HAVCR2: variants seen among roughly 807,000 people sequenced by gnomAD.
HAVCR2 encodes hepatitis A virus cellular receptor 2.
A neutral mutation model predicts 24.7 loss-of-function variants in HAVCR2; 13 were observed. That is an observed-to-expected ratio of 0.53 (90% confidence interval 0.34 to 0.84). The LOEUF (loss-of-function observed/expected upper bound fraction) is 0.84. HAVCR2 is among the 40% of genes least tolerant of loss of function. The pLI is 0.01. For missense variants in HAVCR2, 343 were observed against 371.2 expected (o/e 0.92, Z 0.62); for synonymous variants, 154 against 143.4 (o/e 1.07, Z -0.53).
At position 157,086,970 on chromosome 5, in the gene HAVCR2, A is replaced by G. The variant is rs1297765122; in HGVS notation, c.*132T>C. 1.4e-6 allele frequency: 1 copy of G among 720,416 alleles called. No homozygotes were observed. The allele number at this position is 720,416 out of a possible 1,614,324, so 44.6% of individuals were successfully genotyped here. A position where few individuals can be genotyped will look rare whatever the true frequency, so the allele number is the denominator to read the frequency against. On this transcript the variant is annotated 3_prime_UTR_variant, in exon 7 of 7. Coordinates refer to ENST00000307851, the MANE Select transcript of HAVCR2 (RefSeq NM_032782.5). Reference sequence around the variant, plus strand: ...CAGGTCCCAGTTCAATTCCCATGTGAGTCATTATCTTCTGAAAATGGGAAA... The same window carrying G: ...CAGGTCCCAGTTCAATTCCCATGTGGGTCATTATCTTCTGAAAATGGGAAA...
chr5:157,093,665 G>C (rs994159125), intron 5 of HAVCR2, among the ~76,000 whole-genome samples: 3 of 152,134 alleles, frequency 2.0e-5, no homozygotes, highest in African/African-American at 7.2e-5. Flanking sequence ...GTGTGTGAGT[G>C]GCCAGGCACA....
At chr5:157,104,553 A>C (rs906442779) in intron 3 of HAVCR2, 113 bp downstream of exon 3, 9 of 674,092 alleles carry the variant, frequency 1.3e-5, no homozygotes, top group African/African-American at 1.3e-4. Context: ...AGGTGCACGG[A>C]GATATCCATG....
intron 2 of HAVCR2, chr5:157,106,021 G>A (rs543914733): frequency 6.6e-6 from 1 of 152,330 alleles, no homozygotes; most frequent in Non-Finnish European, 1.5e-5. Context: ...ATCTATAGTT[G>A]TTTAAAAACT....
At chr5:157,107,859 GCCCCCCCCCCTT>G (rs1757273993) in intron 1 of HAVCR2, among the ~76,000 whole-genome samples, 1 of 129,890 alleles carries the variant, frequency 7.7e-6, no homozygotes, top group Admixed American at 7.8e-5. Context: ...TTTTTCCTCT[GCCCCCCCCCCTT>G]TTTTATGTGA....
intron 3 of HAVCR2, among the ~76,000 whole-genome samples, chr5:157,101,246 T>C (rs1200600511): frequency 6.6e-6 from 1 of 152,226 alleles, no homozygotes; most frequent in Admixed American, 6.5e-5. Flanking sequence ...AAAAACTTCA[T>C]TTTGCTATGA....
Position 157,088,955 on chromosome 5 carries a change from C to G in HAVCR2, c.699G>C (p.Lys233Asn), listed in dbSNP as rs1286410795. 2 of 1,608,944 alleles carry G rather than the reference C, an allele frequency of 1.2e-6. No homozygotes were observed. Among genetic ancestry groups the G allele is most frequent in the Non-Finnish European group, 1.7e-6 (2 of 1,177,810 alleles). Reference sequence around the variant, plus strand: ...ATTATTCTTACCTTAAATTCTGTATCTTCTCTTTGCTATGAGAATACCCTA... The same window carrying G: ...ATTATTCTTACCTTAAATTCTGTATGTTCTCTTTGCTATGAGAATACCCTA... ...IFKWYSHSKE[K>N]IQNLSLISLA... The change falls in exon 6 of 7, where the codon AAG becomes AAC. Residue 233 changes from lysine (K) to asparagine (N), a missense_variant. Coordinates refer to ENST00000307851, the MANE Select transcript of HAVCR2 (RefSeq NM_032782.5).
intron 2 of HAVCR2, among the ~76,000 whole-genome samples, chr5:157,105,924 C>T (rs894545778): frequency 1.3e-5 from 2 of 152,220 alleles, no homozygotes; most frequent in African/African-American, 4.8e-5. Context: ...ATCAGCCAGG[C>T]TGGTCTCAAA....
chr5:157,095,178 G>A (rs1757076306), intron 5 of HAVCR2, 128 bp downstream of exon 5: 3 of 956,592 alleles, frequency 3.1e-6, no homozygotes, highest in African/African-American at 1.7e-5. Context: ...TTAGGATTTG[G>A]ATGGACAAAA....
intron 4 of HAVCR2, 145 bp downstream of exon 4, chr5:157,098,713 C>A: frequency 1.4e-6 from 1 of 716,406 alleles, no homozygotes; most frequent in Non-Finnish European, 2.4e-6. Flanking sequence ...GAACTGTCAT[C>A]ATCAACATGT....
chr5:157,098,924 AG>A, intron 3 of HAVCR2, 23 bp from the exon 4 acceptor site: 1 of 1,607,994 alleles, frequency 6.2e-7, no homozygotes, highest in South Asian at 1.1e-5. Context: ...AGAGAGAGAG[AG>A]AGAGAGGAAA....
chr5:157,087,141 T>C lies in HAVCR2; in HGVS notation c.867A>G (p.Gln289=). Residue 289 remains glutamine (Q), a synonymous_variant, in exon 7 of 7, where the codon CAA becomes CAG. Transcript: ENST00000307851. The part of the protein sequence containing the change: ...EYYCYVSSRQ[Q]PSQPLGCRFA... Reference sequence around the variant, plus strand: ...AGCGACAACCCAAAGGTTGTGAGGGTTGCTGCCTGCTGCTGACATAGCAAT... The same window carrying C: ...AGCGACAACCCAAAGGTTGTGAGGGCTGCTGCCTGCTGCTGACATAGCAAT... 6.2e-7 allele frequency: 1 copy of C among 1,613,852 alleles called. No homozygotes were observed. Among genetic ancestry groups the C allele is most frequent in the Non-Finnish European group, 8.5e-7 (1 of 1,179,952 alleles).
In HAVCR2 at chr5:157,108,973, T is replaced by C. The variant is rs767716690; in HGVS notation, c.11A>G (p.His4Arg). 6.2e-7 allele frequency: 1 copy of C among 1,614,176 alleles called. No homozygotes were observed. Among genetic ancestry groups the C allele is most frequent in the East Asian group, 2.2e-5 (1 of 44,892 alleles). Residue 4 changes from histidine to arginine, a missense_variant, in exon 1 of 7, where the codon CAT becomes CGT. By Grantham distance (29) the His-to-Arg change is conservative. Coordinates refer to ENST00000307851, the MANE Select transcript of HAVCR2 (RefSeq NM_032782.5). MFS[H>R]LPFDCVLLLL... ...CAGCAGGACACAGTCAAAGGGAAGATGTGAAAACATGGAGCTTGCAGAAGA... is the reference window on the plus strand; with the variant it reads ...CAGCAGGACACAGTCAAAGGGAAGACGTGAAAACATGGAGCTTGCAGAAGA...
chr5:157,101,023 G>A (rs1394865657), intron 3 of HAVCR2, among the ~76,000 whole-genome samples: 1 of 150,790 alleles, frequency 6.6e-6, no homozygotes, highest in Non-Finnish European at 1.5e-5. Flanking sequence ...TTGAACCCAG[G>A]AGGTGGAGGT....
intron 4 of HAVCR2, among the ~76,000 whole-genome samples, chr5:157,097,971 T>C (rs1277581476): frequency 6.6e-6 from 1 of 152,116 alleles, no homozygotes; most frequent in African/African-American, 2.4e-5. Context: ...GCTTTATTTA[T>C]AGTTAAATAC....
chr5:157,089,867 T>C (rs1308290928), intron 5 of HAVCR2, among the ~76,000 whole-genome samples: 1 of 152,164 alleles, frequency 6.6e-6, no homozygotes, highest in African/African-American at 2.4e-5. Context: ...TTTCCAGCCA[T>C]AATCAGGAGT....
rs528913896 is a variant in HAVCR2, at chr5:157,097,996, G to A, written c.522+862C>T. Among the ~76,000 whole-genome samples the A allele has an allele frequency of 2.0e-5, 3 of 152,206 alleles. No homozygotes were observed. In the South Asian group the frequency reaches 6.2e-4, roughly 32 times the overall value. On this transcript the variant is annotated intron_variant, in intron 4 of 6. Transcript: ENST00000307851. ...TAGTTAAATACATAAAACTGGCTGG[G>A]CACCATGGCTCATGCCTGTAATCCC...
chr5:157,100,015 T>C (rs576205782), intron 3 of HAVCR2, among the ~76,000 whole-genome samples: 1 of 152,258 alleles, frequency 6.6e-6, no homozygotes, highest in East Asian at 1.9e-4. Flanking sequence ...TTTTCTTAAA[T>C]AAGTTTTGCA....
At chr5:157,097,505 C>T (rs982889051) in intron 4 of HAVCR2, among the ~76,000 whole-genome samples, 1 of 152,154 alleles carries the variant, frequency 6.6e-6, no homozygotes, top group East Asian at 1.9e-4. Context: ...AGCATTCCTT[C>T]CACCTTGGCC....
chr5:157,093,097 GTATACATATA>G (rs199741360), intron 5 of HAVCR2, among the ~76,000 whole-genome samples: 4,895 of 138,864 alleles, frequency 0.035, 252 homozygotes, highest in African/African-American at 0.13. Flanking sequence ...ATATATATGT[GTATACATATA>G]TATACATATA....
Sources: gnomAD v4.1 joint callset for allele counts (sites outside exome capture counted in the v4.1 genomes callset) on GRCh38, gnomAD v4.1.1 for gene constraint, MANE v1.5 for transcripts, NCBI Gene and HGNC (gene_info 2026-07-23, HGNC 2026-07-21) for gene names.